Variants in OSR1 observed in about 807,000 individuals in gnomAD.
The protein encoded by OSR1 is odd-skipped related transcription factor 1.
Under a neutral mutation model 15.7 loss-of-function variants are expected in OSR1, and 3 were observed. That is an observed-to-expected ratio of 0.19 (90% confidence interval 0.09 to 0.50). OSR1 has a LOEUF of 0.50. OSR1 is among the 20% of genes least tolerant of loss of function. The pLI, the probability that OSR1 is intolerant of heterozygous loss-of-function variation, is 0.97. For missense variants in OSR1, 271 were observed against 351.1 expected (o/e 0.77, Z 1.82); for synonymous variants, 166 against 152.7 (o/e 1.09, Z -0.64).
At position 19,357,388 on chromosome 2, in the gene OSR1, A is replaced by C. The variant is rs1051876737; in HGVS notation, c.-33+953T>G. 6.6e-6 allele frequency among the ~76,000 whole-genome samples: 1 copy of C among 152,192 alleles called. No individual in the cohort carries two copies. Among genetic ancestry groups the C allele is most frequent in the Non-Finnish European group, 1.5e-5 (1 of 68,034 alleles). On this transcript the variant is annotated intron_variant, in intron 1 of 2. Transcript: ENST00000272223. This position sits in a 1 kb window ranked among gnomAD's most constrained non-coding sequence, Gnocchi z 5.0. ...ACAAAGAAACCCTTGCGGCTACTTT[A>C]CACATTGAGAACCCAACCCGCTACT...
At chr2:19,347,762 A>T (rs1213319519), downstream of OSR1, among the ~76,000 whole-genome samples, 1 of 152,044 alleles carries the variant, frequency 6.6e-6, no homozygotes, top group Non-Finnish European at 1.5e-5. Flanking sequence ...CCGCCGCGCC[A>T]CCCTCGCCAG....
chr2:19,353,212 G>A lies in OSR1; in HGVS notation c.594C>T (p.Thr198=), dbSNP rs537483235. 6 of 1,614,236 alleles carry A rather than the reference G, an allele frequency of 3.7e-6. No homozygotes were observed. The highest frequency in any genetic ancestry group is 5.1e-6 in the Non-Finnish European group (6 of 1,180,044). ...TGTCACAGGTGTAGGGCCGCTCGTC[G>A]GTGTGCGTCCGCTCATGGATAAGTA... ...YNLLIHERTH[T]DERPYTCDIC... Residue 198 remains threonine (T), a synonymous_variant, in exon 2 of 3, where the codon ACC becomes ACT. Coordinates refer to ENST00000272223, the MANE Select transcript of OSR1 (RefSeq NM_145260.3).
At chr2:19,347,773 C>T (rs1035013755), downstream of OSR1, among the ~76,000 whole-genome samples, 3 of 152,226 alleles carry the variant, frequency 2.0e-5, no homozygotes, top group Admixed American at 2.0e-4. Context: ...CCCTCGCCAG[C>T]TCAGATCCCA....
Position 19,352,199 on chromosome 2 carries a change from C to A in OSR1, c.*76G>T. 1 of 1,515,066 alleles carries A rather than the reference C, an allele frequency of 6.6e-7. No homozygotes were observed. 93.9% of individuals were successfully genotyped at this position (1,515,066 alleles called of 1,614,324 possible). On this transcript the variant is annotated 3_prime_UTR_variant, in exon 3 of 3. Transcript: ENST00000272223. The stretch of plus-strand genomic sequence containing the variant: ...CCGAGCGAGCGCCTCTCCCGCTGCC[C>A]GCCAGAGTCAGGCTTCTGGTCCCTA...
chr2:19,357,146 C>T lies in OSR1; in HGVS notation c.-33+1195G>A, dbSNP rs981076501. 2.0e-5 allele frequency among the ~76,000 whole-genome samples: 3 copies of T among 152,172 alleles called. No individual in the cohort carries two copies. Among genetic ancestry groups the T allele is most frequent in the Non-Finnish European group, 2.9e-5 (2 of 68,046 alleles). On this transcript the variant is annotated intron_variant, in intron 1 of 2. Transcript: ENST00000272223. This position sits in a 1 kb window ranked among gnomAD's most constrained non-coding sequence, Gnocchi z 5.0. ...TCCGGCTGCACTTAAATGTCCGCTG[C>T]GTCCTCGGTGATCCATTCCCCAATC...
chr2:19,349,065 T>C (rs749227359), downstream of OSR1, among the ~76,000 whole-genome samples: 1 of 151,928 alleles, frequency 6.6e-6, no homozygotes, highest in Non-Finnish European at 1.5e-5. Context: ...GTGATGGGGG[T>C]CTGGAGAGGA....
At chr2:19,348,272 G>C (rs978225772), downstream of OSR1, among the ~76,000 whole-genome samples, 4 of 152,070 alleles carry the variant, frequency 2.6e-5, no homozygotes, top group Admixed American at 6.5e-5. Flanking sequence ...CGTGTTAGTG[G>C]AGACGAACCG....
chr2:19,353,353 G>A lies in OSR1; in HGVS notation c.453C>T (p.Leu151=). 6 of 1,614,206 alleles carry A rather than the reference G, an allele frequency of 3.7e-6. No individual in the cohort carries two copies. The highest frequency in any genetic ancestry group is 3.4e-6 in the Non-Finnish European group (4 of 1,180,022). Residue 151 remains leucine, a synonymous_variant, in exon 2 of 3, where the codon CTC becomes CTT. Coordinates refer to ENST00000272223, the MANE Select transcript of OSR1 (RefSeq NM_145260.3). ...TTTCTGGAGACAGCTTGGTCACGTC[G>A]AGGAGGGCACCCAGCCCACCTGCAG... The part of the protein sequence containing the change: ...GSPAGGLGAL[L]DVTKLSPEKK...
chr2:19,353,210 T>C lies in OSR1; in HGVS notation c.596A>G (p.Asp199Gly). ...NLLIHERTHTDERPYTCDICH... is the reference protein window; with the variant it reads ...NLLIHERTHTGERPYTCDICH... Reference sequence around the variant, plus strand: ...GATGTCACAGGTGTAGGGCCGCTCGTCGGTGTGCGTCCGCTCATGGATAAG... The same window carrying C: ...GATGTCACAGGTGTAGGGCCGCTCGCCGGTGTGCGTCCGCTCATGGATAAG... Residue 199 changes from aspartate to glycine, a missense_variant, in exon 2 of 3, where the codon GAC becomes GGC. This residue lies in a region of OSR1 where 32 missense variants were observed against 66.8 expected (regional missense o/e 0.48). Coordinates refer to ENST00000272223, the MANE Select transcript of OSR1 (RefSeq NM_145260.3). The C allele has an allele frequency of 6.2e-7, 1 of 1,614,160 alleles. No homozygotes were observed. The highest frequency in any genetic ancestry group is 8.5e-7 in the Non-Finnish European group (1 of 1,180,032).
downstream of OSR1, among the ~76,000 whole-genome samples, chr2:19,350,456 C>G (rs905623027): frequency 5.9e-5 from 9 of 152,268 alleles, no homozygotes; most frequent in East Asian, 1.6e-3. Flanking sequence ...GTTTTAACTT[C>G]TGCATCCCCT....
downstream of OSR1, among the ~76,000 whole-genome samples, chr2:19,349,680 G>T (rs528943153): frequency 6.6e-6 from 1 of 152,290 alleles, no homozygotes; most frequent in East Asian, 1.9e-4. Flanking sequence ...GATCTTCAGG[G>T]AGGTGGAATG....
chr2:19,349,362 T>C (rs557088314), downstream of OSR1, among the ~76,000 whole-genome samples: 1 of 152,246 alleles, frequency 6.6e-6, no homozygotes, highest in African/African-American at 2.4e-5. Context: ...GGAGACGTGA[T>C]CTCTGAGTCC....
rs1558359038 is a variant in OSR1 at position 19,352,033 on chromosome 2, C to T, written c.*242G>A. 5.0e-6 allele frequency: 2 copies of T among 397,100 alleles called. No homozygotes were observed. 24.6% of individuals were successfully genotyped at this position (397,100 alleles called of 1,614,324 possible). ...TTTTAATGCAGTTTCCCTTCCGCCA[C>T]GTGAGTACCGCCTTTTGGCCAAGAG... is the stretch of plus-strand genomic sequence containing the variant. On this transcript the variant is annotated 3_prime_UTR_variant, in exon 3 of 3. Transcript: ENST00000272223.
rs1307776498 is a variant in OSR1, at chr2:19,357,393, T to C, written c.-33+948A>G. ...GAAACCCTTGCGGCTACTTTACACA[T>C]TGAGAACCCAACCCGCTACTGCCTG... On this transcript the variant is annotated intron_variant, in intron 1 of 2. Transcript: ENST00000272223. This position sits in a 1 kb window ranked among gnomAD's most constrained non-coding sequence, Gnocchi z 5.0. 1.3e-5 allele frequency among the ~76,000 whole-genome samples: 2 copies of C among 152,158 alleles called. No homozygotes were observed. Among genetic ancestry groups the C allele is most frequent in the African/African-American group, 2.4e-5 (1 of 41,436 alleles).
In OSR1 at chr2:19,352,340, G is replaced by A. The variant is rs1279917154; in HGVS notation, c.736C>T (p.Leu246Phe). 2 of 1,614,086 alleles carry A rather than the reference G, an allele frequency of 1.2e-6. No individual in the cohort carries two copies. The highest frequency in any genetic ancestry group is 1.7e-6 in the Non-Finnish European group (2 of 1,180,012). ...GAGTGTAGCGTCTTGTGGACAGCGAGAGTCCTGGACTGGCAGAATCCTTTC... is the reference window on the plus strand; with the variant it reads ...GAGTGTAGCGTCTTGTGGACAGCGAAAGTCCTGGACTGGCAGAATCCTTTC... The part of the protein sequence containing the change: ...CGKGFCQSRT[L>F]AVHKTLHSQV... The change falls in exon 3 of 3, where the codon CTC (leucine) becomes TTC (phenylalanine). Residue 246 changes from leucine to phenylalanine, a missense_variant. This residue lies in a region of OSR1 where 21 missense variants were observed against 24.3 expected (regional missense o/e 0.86). Transcript: ENST00000272223.
In OSR1 at chr2:19,352,128, G is replaced by T; in HGVS notation, c.*147C>A. Reference sequence around the variant, plus strand: ...GCCCCGGGCGGGGCTCTGAAGTGCCGCGTGCGCCAGGGACCCAGGGGACAA... The same window carrying T: ...GCCCCGGGCGGGGCTCTGAAGTGCCTCGTGCGCCAGGGACCCAGGGGACAA... On this transcript the variant is annotated 3_prime_UTR_variant, in exon 3 of 3. Coordinates refer to ENST00000272223, the MANE Select transcript of OSR1 (RefSeq NM_145260.3). The T allele has an allele frequency of 1.1e-6, 1 of 887,986 alleles. No individual in the cohort carries two copies. Among genetic ancestry groups the T allele is most frequent in the Non-Finnish European group, 1.6e-6 (1 of 615,460 alleles). The allele number at this position is 887,986 out of a possible 1,614,324, so 55.0% of individuals were successfully genotyped here.
chr2:19,346,750 T>C (rs1331053352), downstream of OSR1: 4 of 152,216 alleles, frequency 2.6e-5, no homozygotes, highest in Admixed American at 1.3e-4. Context: ...CCTAGGCAAC[T>C]GAGGGAGAAC....
chr2:19,352,135 C>T lies in OSR1; in HGVS notation c.*140G>A. ...GCGGGGCTCTGAAGTGCCGCGTGCGCCAGGGACCCAGGGGACAATGTTGGA... is the reference window on the plus strand; with the variant it reads ...GCGGGGCTCTGAAGTGCCGCGTGCGTCAGGGACCCAGGGGACAATGTTGGA... On this transcript the variant is annotated 3_prime_UTR_variant, in exon 3 of 3. Transcript: ENST00000272223. 1 of 973,828 alleles carries T rather than the reference C, an allele frequency of 1.0e-6. No homozygotes were observed. Among genetic ancestry groups the T allele is most frequent in the Non-Finnish European group, 1.4e-6 (1 of 690,156 alleles). The allele number at this position is 973,828 out of a possible 1,614,324, so 60.3% of individuals were successfully genotyped here. A position where few individuals can be genotyped will look rare whatever the true frequency, so the allele number is the denominator to read the frequency against.
rs1664842892 is a variant in OSR1 at position 19,351,692 on chromosome 2, A to C, written c.*583T>G. On this transcript the variant is annotated 3_prime_UTR_variant, in exon 3 of 3. Coordinates refer to ENST00000272223, the MANE Select transcript of OSR1 (RefSeq NM_145260.3). ...CCCCGTCCCGCTCTCCTAGTCCCGG[A>C]GCCCACGGCCGCCAGCTGAGCTGCA... The C allele has an allele frequency of 6.6e-6, 1 of 152,654 alleles. No individual in the cohort carries two copies. The highest frequency in any genetic ancestry group is 2.4e-5 in the African/African-American group (1 of 41,420). 9.5% of individuals were successfully genotyped at this position (152,654 alleles called of 1,614,324 possible).
Sources: gnomAD v4.1 joint callset for allele counts (sites outside exome capture counted in the v4.1 genomes callset) on GRCh38, gnomAD v4.1.1 for gene constraint, gnomAD v4.1.1 regional missense constraint, Gnocchi (gnomAD v3.1) non-coding constraint, MANE v1.5 for transcripts, NCBI Gene and HGNC (gene_info 2026-07-23, HGNC 2026-07-21) for gene names.